CDH13: variants seen among roughly 807,000 people sequenced by gnomAD.
CDH13 encodes cadherin-13.
A neutral mutation model predicts 63.8 loss-of-function variants in CDH13; 24 were observed. That is an observed-to-expected ratio of 0.38 (90% CI 0.27 to 0.53). CDH13 has a LOEUF of 0.53. CDH13 is among the 20% of genes least tolerant of loss of function. The probability of loss-of-function intolerance (pLI) is 0.85; values close to 1 mark genes in which losing one functional copy is unlikely to be tolerated. For missense variants in CDH13, 1,049 were observed against 903.1 expected (o/e 1.16, Z -2.07); for synonymous variants, 503 against 355.3 (o/e 1.42, Z -4.67).
chr16:83,024,583 C>G (rs910884757), intron 2 of CDH13, among the ~76,000 whole-genome samples: 3 of 152,118 alleles, frequency 2.0e-5, no homozygotes, highest in African/African-American at 7.2e-5. Flanking sequence ...ACTCATGCAA[C>G]CTCACTAAGT....
At chr16:83,621,930 A>T (rs957331707) in intron 8 of CDH13, among the ~76,000 whole-genome samples, 1 of 152,132 alleles carries the variant, frequency 6.6e-6, no homozygotes, top group Non-Finnish European at 1.5e-5. Flanking sequence ...TTCTCATTAT[A>T]AAAGGGTTGG....
chr16:83,058,078 A>T (rs1385519800), intron 3 of CDH13, among the ~76,000 whole-genome samples: 1 of 152,238 alleles, frequency 6.6e-6, no homozygotes, highest in African/African-American at 2.4e-5. Context: ...TGAAATCTTC[A>T]CTATATTCTT....
At chr16:83,736,422 A>T (rs1308992768) in intron 10 of CDH13, among the ~76,000 whole-genome samples, 10 of 152,122 alleles carry the variant, frequency 6.6e-5, no homozygotes, top group Admixed American at 6.5e-4. Context: ...AATGTGTATG[A>T]TATTGTTAAA....
intron 6 of CDH13, among the ~76,000 whole-genome samples, chr16:83,394,007 A>G (rs1466121732): frequency 6.6e-6 from 1 of 152,232 alleles, no homozygotes; most frequent in Non-Finnish European, 1.5e-5. Flanking sequence ...CAGAAATCCA[A>G]ATACCGCCTG....
At chr16:83,404,202 C>T (rs748407059) in intron 6 of CDH13, among the ~76,000 whole-genome samples, 1 of 152,180 alleles carries the variant, frequency 6.6e-6, no homozygotes, top group Non-Finnish European at 1.5e-5. Context: ...GGGAACTGTT[C>T]ACGTTTCAGA....
chr16:83,315,259 A>G (rs916562153), intron 5 of CDH13, among the ~76,000 whole-genome samples: 2 of 152,256 alleles, frequency 1.3e-5, no homozygotes, highest in Non-Finnish European at 2.9e-5. Context: ...GCCTTCTGGC[A>G]AGGTAACATT....
At chr16:82,705,300 T>C (rs2031400864) in intron 1 of CDH13, 1 of 369,108 alleles carries the variant, frequency 2.7e-6, no homozygotes, top group Non-Finnish European at 5.3e-6. Context: ...TATTCTTACT[T>C]AAGATCTGAT....
chr16:83,663,672 G>C (rs746629357), intron 8 of CDH13, among the ~76,000 whole-genome samples: 1 of 152,136 alleles, frequency 6.6e-6, no homozygotes, highest in Non-Finnish European at 1.5e-5. Flanking sequence ...GCATGCCCCA[G>C]GTTGTCTGTG....
chr16:83,391,362 C>A (rs1435329341), intron 6 of CDH13, among the ~76,000 whole-genome samples: 1 of 152,014 alleles, frequency 6.6e-6, no homozygotes. Context: ...CCTACCACCA[C>A]ACCCAGCTAA....
intron 3 of CDH13, among the ~76,000 whole-genome samples, chr16:83,035,140 A>T (rs1357808351): frequency 6.6e-6 from 1 of 152,186 alleles, no homozygotes; most frequent in East Asian, 1.9e-4. Flanking sequence ...AGATAGCAAA[A>T]GAATCCCTCT....
intron 5 of CDH13, among the ~76,000 whole-genome samples, chr16:83,302,287 G>T (rs1052190102): frequency 2.6e-5 from 4 of 152,138 alleles, no homozygotes; most frequent in African/African-American, 9.7e-5. Context: ...ACCTCCTGTT[G>T]CTTCAGTTTT....
At chr16:83,406,134 G>T (rs939392134) in intron 6 of CDH13, among the ~76,000 whole-genome samples, 10 of 152,184 alleles carry the variant, frequency 6.6e-5, no homozygotes, top group Non-Finnish European at 1.5e-4. Context: ...GGGGACAGGG[G>T]TCAGTGGATC....
chr16:82,817,878 T>C (rs2037800860), intron 1 of CDH13, among the ~76,000 whole-genome samples: 1 of 152,186 alleles, frequency 6.6e-6, no homozygotes, highest in Non-Finnish European at 1.5e-5. Flanking sequence ...CCTATACATA[T>C]ACATCTATGT....
At chr16:83,000,523 C>G (rs1255794258) in intron 2 of CDH13, among the ~76,000 whole-genome samples, 5 of 150,270 alleles carry the variant, frequency 3.3e-5, no homozygotes, top group Non-Finnish European at 7.4e-5. Flanking sequence ...GCTAGGATTA[C>G]AGGTGTGAGC....
At chr16:83,255,999 G>C (rs1906215731) in intron 5 of CDH13, among the ~76,000 whole-genome samples, 1 of 152,054 alleles carries the variant, frequency 6.6e-6, no homozygotes, top group African/African-American at 2.4e-5. Flanking sequence ...GGGCCACTGA[G>C]GATTAAATAG....
intron 5 of CDH13, among the ~76,000 whole-genome samples, chr16:83,269,177 A>G (rs57400364): frequency 0.091 from 13,822 of 152,236 alleles, 747 homozygotes; most frequent in East Asian, 0.15. Flanking sequence ...CTTCTTAGAA[A>G]TTCAAATGTT....
At chr16:83,584,005 A>G (rs945655623) in intron 7 of CDH13, among the ~76,000 whole-genome samples, 5 of 152,088 alleles carry the variant, frequency 3.3e-5, no homozygotes, top group African/African-American at 9.7e-5. Context: ...TGTTTTCACT[A>G]TGCCATAAGT....
At chr16:83,016,993 A>C (rs909555212) in intron 2 of CDH13, among the ~76,000 whole-genome samples, 7 of 152,304 alleles carry the variant, frequency 4.6e-5, no homozygotes, top group African/African-American at 1.4e-4. Context: ...GTGGAATAGC[A>C]GGTGTTGATC....
chr16:83,041,026 C>G (rs925118282), intron 3 of CDH13, among the ~76,000 whole-genome samples: 7 of 152,138 alleles, frequency 4.6e-5, no homozygotes, highest in Non-Finnish European at 1.0e-4. Context: ...GAAGCACTGA[C>G]TAAACTTCCT....
Sources: gnomAD v4.1 joint callset for allele counts (sites outside exome capture counted in the v4.1 genomes callset) on GRCh38, gnomAD v4.1.1 for gene constraint, MANE v1.5 for transcripts, NCBI Gene and HGNC (gene_info 2026-07-23, HGNC 2026-07-21) for gene names.